The following LEP variants were observed in gnomAD, a reference collection of about 807,000 sequenced individuals.
LEP encodes leptin (murine obesity homolog).
A neutral mutation model predicts 9.8 loss-of-function variants in LEP; 6 were observed. The ratio of observed to expected loss-of-function variants is 0.61; its 90% CI spans 0.34 to 1.21. The LOEUF is 1.21. Ranked by LOEUF, LEP falls within the 50% of genes most tolerant of loss-of-function variation. The pLI, the probability that LEP is intolerant of heterozygous loss-of-function variation, is 0.04. For synonymous variants in LEP, 112 were observed against 81.7 expected, an observed-to-expected ratio of 1.37 and a Z score of -2.00; for missense variants, 134 against 198.1, an observed-to-expected ratio of 0.68 and a Z score of 1.94.
At position 128,252,076 on chromosome 7, in the gene LEP, C is replaced by G. The variant is rs200179130; in HGVS notation, c.58C>G (p.Gln20Glu). 1.2e-6 allele frequency: 2 copies of G among 1,614,102 alleles called. No homozygotes were observed. The highest frequency in any genetic ancestry group is 1.7e-6 in the Non-Finnish European group (2 of 1,179,976). Residue 20 changes from glutamine to glutamate, a missense_variant, in exon 2 of 3, where the codon CAA (glutamine) becomes GAA (glutamate). Transcript: ENST00000308868. ...GCTTTGGCCCTATCTTTTCTATGTC[C>G]AAGCTGTGCCCATCCAAAAAGTCCA... ...LWLWPYLFYV[Q>E]AVPIQKVQDD...
intron 2 of LEP, among the ~76,000 whole-genome samples, chr7:128,254,015 G>A (rs3793162): frequency 0.049 from 7,385 of 151,912 alleles, 479 homozygotes; most frequent in African/African-American, 0.15. Flanking sequence ...GGGAGGACTC[G>A]GCTGGGGGTA....
chr7:128,253,150 A>T (rs10264361), intron 2 of LEP, among the ~76,000 whole-genome samples: 140,395 of 152,142 alleles, frequency 0.92, 64,904 homozygotes, highest in East Asian at 1. Flanking sequence ...CATTGGCAGG[A>T]ACAAGACCCC....
chr7:128,255,750 G>A lies in LEP; in HGVS notation c.*987G>A, dbSNP rs547611951. 3 of 152,256 alleles carry A rather than the reference G, an allele frequency of 2.0e-5. No homozygotes were observed. Among genetic ancestry groups the A allele is most frequent in the Non-Finnish European group, 4.4e-5 (3 of 68,026 alleles). The allele number at this position is 152,256 out of a possible 1,614,324, so 9.4% of individuals were successfully genotyped here. ...TTTCATGAAAATAGCTCTTTCAGGG[G>A]GGTTGTGAGGCCTGGCCAGGCACCC... On this transcript the variant is annotated 3_prime_UTR_variant, in exon 3 of 3. Transcript: ENST00000308868.
rs1275900993 is a variant in LEP, at chr7:128,256,861, G to A, written c.*2098G>A. The A allele has an allele frequency of 6.6e-6, 1 of 152,286 alleles. No homozygotes were observed. Among genetic ancestry groups the A allele is most frequent in the African/African-American group, 2.4e-5 (1 of 41,444 alleles). The allele number at this position is 152,286 out of a possible 1,614,324, so 9.4% of individuals were successfully genotyped here. ...GGGAGACCGAGCGCTTTCTGGAAAA[G>A]AGGAGTTTCGAGGTAGAGTTTGAAG... On this transcript the variant is annotated 3_prime_UTR_variant, in exon 3 of 3. Transcript: ENST00000308868.
intron 2 of LEP, 57 bp from the exon 3 acceptor site, chr7:128,254,347 C>T (rs1795310100): frequency 5.0e-6 from 8 of 1,603,612 alleles, no homozygotes; most frequent in Non-Finnish European, 5.9e-6. Flanking sequence ...GCAGAGGGCT[C>T]TGAGAGCGAT....
chr7:128,249,689 A>G (rs1795252237), intron 1 of LEP, among the ~76,000 whole-genome samples: 1 of 152,120 alleles, frequency 6.6e-6, no homozygotes, highest in Non-Finnish European at 1.5e-5. Flanking sequence ...CCTCTACTAA[A>G]AGGGTGATCT....
At chr7:128,251,900 C>A (rs1795279024) in intron 1 of LEP, 91 bp from the exon 2 acceptor site, 1 of 1,061,866 alleles carries the variant, frequency 9.4e-7, no homozygotes, top group Non-Finnish European at 1.5e-6. Flanking sequence ...AGCTGATTTT[C>A]ATCCCCGTCT....
In LEP at chr7:128,254,528, C is replaced by G. The variant is rs1206379074; in HGVS notation, c.269C>G (p.Pro90Arg). 1.9e-6 allele frequency: 3 copies of G among 1,614,076 alleles called. No homozygotes were observed. The highest frequency in any genetic ancestry group is 1.3e-5 in the African/African-American group (1 of 74,940). ...AVYQQILTSMPSRNVIQISND... is the reference protein window; with the variant it reads ...AVYQQILTSMRSRNVIQISND... Reference sequence around the variant, plus strand: ...TACCAACAGATCCTCACCAGTATGCCTTCCAGAAACGTGATCCAAATATCC... The same window carrying G: ...TACCAACAGATCCTCACCAGTATGCGTTCCAGAAACGTGATCCAAATATCC... The change falls in exon 3 of 3, where the codon CCT (proline) becomes CGT (arginine). Residue 90 changes from proline to arginine, a missense_variant. Physicochemically the swap from Pro to Arg is moderately radical, Grantham distance 103. Transcript: ENST00000308868.
intron 1 of LEP, among the ~76,000 whole-genome samples, chr7:128,250,748 G>A (rs1243348492): frequency 4.6e-5 from 7 of 152,134 alleles, no homozygotes; most frequent in African/African-American, 1.7e-4. Context: ...AGACCCAGAC[G>A]AGGAAGAACA....
intron 1 of LEP, among the ~76,000 whole-genome samples, chr7:128,245,954 C>T (rs1029287814): frequency 8.6e-5 from 13 of 151,848 alleles, no homozygotes; most frequent in South Asian, 2.1e-4. Flanking sequence ...TCCAGCTACC[C>T]GGGAGGCTGA....
intron 1 of LEP, 42 bp from the exon 2 acceptor site, chr7:128,251,947 TGA>T: frequency 1.3e-6 from 2 of 1,501,866 alleles, no homozygotes; most frequent in Non-Finnish European, 1.9e-6. Context: ...GGGTGTATTC[TGA>T]GATACCGGCT....
intron 2 of LEP, among the ~76,000 whole-genome samples, chr7:128,253,743 T>TA (rs556118513): frequency 2.7e-4 from 41 of 151,798 alleles, no homozygotes; most frequent in Middle Eastern, 3.4e-3. Context: ...TTAAAAATAA[T>TA]AAAAAAAAAT....
chr7:128,253,460 T>A (rs1348130020), intron 2 of LEP, among the ~76,000 whole-genome samples: 1 of 152,262 alleles, frequency 6.6e-6, no homozygotes, highest in East Asian at 1.9e-4. Flanking sequence ...TTCAGCAAGT[T>A]CCTTACTGTC....
At chr7:128,242,701 T>C (rs1262175224) in intron 1 of LEP, among the ~76,000 whole-genome samples, 1 of 152,208 alleles carries the variant, frequency 6.6e-6, no homozygotes, top group African/African-American at 2.4e-5. Flanking sequence ...GGGAAATATT[T>C]TCCTCCCCGT....
chr7:128,242,841 C>T (rs143088141), intron 1 of LEP, among the ~76,000 whole-genome samples: 3 of 152,296 alleles, frequency 2.0e-5, no homozygotes, highest in African/African-American at 4.8e-5. Context: ...GTGGCCGCCA[C>T]GGAACCTGGG....
chr7:128,246,635 T>A (rs1795214406), intron 1 of LEP, among the ~76,000 whole-genome samples: 1 of 139,436 alleles, frequency 7.2e-6, no homozygotes, highest in South Asian at 2.3e-4. Flanking sequence ...ATTTTTATTT[T>A]TATTTTTTTT....
intron 1 of LEP, among the ~76,000 whole-genome samples, chr7:128,242,544 G>A (rs1452008637): frequency 1.3e-5 from 2 of 152,204 alleles, no homozygotes; most frequent in East Asian, 3.8e-4. Context: ...GACAAGGCAA[G>A]AGAGAAACAG....
chr7:128,254,797 G>A lies in LEP; in HGVS notation c.*34G>A, dbSNP rs28954114. 4,017 of 1,599,248 alleles carry A rather than the reference G, an allele frequency of 2.5e-3. 97 individuals are homozygous for A. The African/African-American group carries it at 0.046, about 18-fold the overall frequency. ...AGGTCACTCTTCCTGCAAGGACTAC[G>A]TTAAGGGAAGGAACTCTGGCTTCCA... On this transcript the variant is annotated 3_prime_UTR_variant, in exon 3 of 3. Coordinates refer to ENST00000308868, the MANE Select transcript of LEP (RefSeq NM_000230.3).
At chr7:128,251,222 T>C (rs920748554) in intron 1 of LEP, among the ~76,000 whole-genome samples, 4 of 152,204 alleles carry the variant, frequency 2.6e-5, no homozygotes, top group African/African-American at 7.2e-5. Context: ...GAATGGCCCA[T>C]TGACCTGTTT....
Sources: allele counts gnomAD v4.1 joint callset (sites outside exome capture counted in the v4.1 genomes callset), GRCh38; gene constraint gnomAD v4.1.1; transcripts MANE v1.5; gene names NCBI Gene and HGNC (gene_info 2026-07-23, HGNC 2026-07-21).